The following ABCA10 variants were observed in gnomAD, a reference collection of about 807,000 sequenced individuals.
The protein encoded by ABCA10 is ATP-binding cassette sub-family A member 10.
Under a neutral mutation model 187.5 loss-of-function variants are expected in ABCA10, and 169 were observed. That is an observed-to-expected ratio of 0.90 (90% CI 0.80 to 1.02). The LOEUF (loss-of-function observed/expected upper bound fraction) is 1.02. ABCA10 is among the 50% of genes least tolerant of loss of function. The probability of loss-of-function intolerance (pLI) is 0.00; values close to 1 mark genes in which losing one functional copy is unlikely to be tolerated. For missense variants in ABCA10, 1,727 were observed against 1,812.4 expected (o/e 0.95, Z 0.86); for synonymous variants, 574 against 601.8 (o/e 0.95, Z 0.68).
rs971518112 is a variant in ABCA10 at position 69,175,337 on chromosome 17, C to T, written c.2877+69G>A. On this transcript the variant is annotated intron_variant, in intron 23 of 38. Transcript: ENST00000690296. ...AAAGTACAACTGTGTGTGTATAAAA[C>T]AATAAAATTGCAATTACTACAGTCA... 1.8e-5 allele frequency: 24 copies of T among 1,356,524 alleles called. No homozygotes were observed. In the Admixed American group the frequency reaches 4.4e-4, roughly 25 times the overall value. 84.0% of individuals were successfully genotyped at this position (1,356,524 alleles called of 1,614,324 possible). A position where few individuals can be genotyped will look rare whatever the true frequency, so the allele number is the denominator to read the frequency against.
chr17:69,171,401 C>A (rs1231601272), intron 25 of ABCA10, among the ~76,000 whole-genome samples: 3 of 152,048 alleles, frequency 2.0e-5, no homozygotes, highest in African/African-American at 7.2e-5. Flanking sequence ...GAATTTAAAA[C>A]AAGTGAATTG....
At chr17:69,243,182 T>C (rs372861032) in intron 1 of ABCA10, among the ~76,000 whole-genome samples, 12 of 152,344 alleles carry the variant, frequency 7.9e-5, no homozygotes, top group African/African-American at 2.4e-4. Flanking sequence ...CAAAGGTATA[T>C]ATGTAGACAC....
Position 69,150,471 on chromosome 17 carries a change from TA to T in ABCA10, c.4398-409del, listed in dbSNP as rs539879003. On this transcript the variant is annotated intron_variant, in intron 36 of 38. Transcript: ENST00000690296. ...TAAAATATGTTGAACTCTCTCCTGC[TA>T]AAAAAAAATTTTTTTCTTGACCTTC... is the stretch of plus-strand genomic sequence containing the variant. 107 of 154,600 alleles carry T rather than the reference TA, an allele frequency of 6.9e-4. 2 individuals are homozygous for T. Among genetic ancestry groups the T allele is most frequent in the South Asian group, 5.6e-3 (28 of 5,016 alleles). The allele number at this position is 154,600 out of a possible 1,614,324, so 9.6% of individuals were successfully genotyped here.
chr17:69,163,102 G>A (rs1309075984), intron 27 of ABCA10, among the ~76,000 whole-genome samples: 5 of 152,056 alleles, frequency 3.3e-5, no homozygotes, highest in African/African-American at 4.8e-5. Flanking sequence ...TTCCCAAAGC[G>A]CTGGGATTAC....
At chr17:69,227,105 T>C (rs976313217) in intron 2 of ABCA10, 40 bp downstream of exon 2, 1 of 97,870 alleles carries the variant, frequency 1.0e-5, no homozygotes, top group Non-Finnish European at 2.5e-5. Context: ...TTTTCATTTA[T>C]TAATTATGGA....
At chr17:69,226,904 A>C (rs947530079) in intron 2 of ABCA10, among the ~76,000 whole-genome samples, 1 of 151,822 alleles carries the variant, frequency 6.6e-6, no homozygotes, top group African/African-American at 2.4e-5. Flanking sequence ...TCTGCAAAAG[A>C]TTATTTTTCA....
intron 10 of ABCA10, among the ~76,000 whole-genome samples, chr17:69,200,640 A>G (rs527873885): frequency 1.6e-4 from 24 of 152,374 alleles, no homozygotes; most frequent in African/African-American, 5.3e-4. Flanking sequence ...TCTATTATGT[A>G]ACAGGCATAT....
At chr17:69,166,910 A>C (rs1410293757) in intron 25 of ABCA10, among the ~76,000 whole-genome samples, 1 of 152,202 alleles carries the variant, frequency 6.6e-6, no homozygotes, top group Non-Finnish European at 1.5e-5. Context: ...TTTAACGTAG[A>C]AAAGGATAGG....
intron 19 of ABCA10, among the ~76,000 whole-genome samples, chr17:69,186,224 C>G (rs1246295123): frequency 6.6e-6 from 1 of 152,110 alleles, no homozygotes; most frequent in Non-Finnish European, 1.5e-5. Context: ...GCAATGACTA[C>G]TTTCCCATCA....
Position 69,190,485 on chromosome 17 carries a change from G to A in ABCA10, c.2012-8C>T. 6.4e-7 allele frequency: 1 copy of A among 1,558,146 alleles called. No individual in the cohort carries two copies. The highest frequency in any genetic ancestry group is 2.4e-5 in the East Asian group (1 of 41,736). The stretch of plus-strand genomic sequence containing the variant: ...CAAGGTCACTGTAAAGATCTAAAAA[G>A]CCAATAGTAATAAGTCAACGCAATT... On this transcript the variant is annotated splice_polypyrimidine_tract_variant and splice_region_variant and intron_variant, in intron 17 of 38. Coordinates refer to ENST00000690296, the MANE Select transcript of ABCA10 (RefSeq NM_001377321.1).
chr17:69,219,886 T>C (rs1339639841), intron 5 of ABCA10, 115 bp from the exon 6 acceptor site: 11 of 728,200 alleles, frequency 1.5e-5, no homozygotes, highest in Non-Finnish European at 2.4e-5. Context: ...TTTTAAAGTA[T>C]GAACTATTAA....
chr17:69,174,177 A>T (rs1407294971), intron 25 of ABCA10, 104 bp downstream of exon 25: 2 of 741,102 alleles, frequency 2.7e-6, no homozygotes, highest in Admixed American at 6.9e-5. Flanking sequence ...AACAAACAAA[A>T]AACCCTCCAT....
At chr17:69,174,134 C>T (rs1008712261) in intron 25 of ABCA10, 147 bp downstream of exon 25, 4 of 506,080 alleles carry the variant, frequency 7.9e-6, no homozygotes, top group Non-Finnish European at 1.3e-5. Flanking sequence ...AACCCATAAA[C>T]ATGGTACAAC....
At chr17:69,158,569 C>A (rs1183914372) in intron 27 of ABCA10, among the ~76,000 whole-genome samples, 1 of 151,556 alleles carries the variant, frequency 6.6e-6, no homozygotes, top group Non-Finnish European at 1.5e-5. Context: ...ATAAAATAAA[C>A]CTTAAATGCA....
intron 20 of ABCA10, 101 bp from the exon 21 acceptor site, chr17:69,182,909 A>C (rs554542707): frequency 2.1e-6 from 3 of 1,419,040 alleles, no homozygotes; most frequent in African/African-American, 2.9e-5. Flanking sequence ...GTTAAGAAAA[A>C]CCCAGAATAG....
chr17:69,172,899 A>C (rs1190048039), intron 25 of ABCA10, among the ~76,000 whole-genome samples: 1 of 152,208 alleles, frequency 6.6e-6, no homozygotes, highest in African/African-American at 2.4e-5. Context: ...AAAAGTAAAC[A>C]CAAGTGGCAA....
At chr17:69,205,426 CTG>C (rs2074583998) in intron 9 of ABCA10, among the ~76,000 whole-genome samples, 1 of 152,216 alleles carries the variant, frequency 6.6e-6, no homozygotes, top group Admixed American at 6.5e-5. Flanking sequence ...GTGCCAAACA[CTG>C]TTGTGATGCA....
chr17:69,164,688 A>G (rs1053824182), intron 26 of ABCA10, among the ~76,000 whole-genome samples: 1 of 152,182 alleles, frequency 6.6e-6, no homozygotes, highest in Non-Finnish European at 1.5e-5. Flanking sequence ...GAAAAGTTTT[A>G]GTCCTGTCTC....
intron 9 of ABCA10, among the ~76,000 whole-genome samples, chr17:69,211,353 A>C (rs12946289): frequency 3.8e-5 from 1 of 26,468 alleles, no homozygotes; most frequent in African/African-American, 1.4e-4. Context: ...ATATATATAT[A>C]TATATATACA....
Sources: allele counts gnomAD v4.1 joint callset (sites outside exome capture counted in the v4.1 genomes callset), GRCh38; gene constraint gnomAD v4.1.1; transcripts MANE v1.5; gene names NCBI Gene and HGNC (gene_info 2026-07-23, HGNC 2026-07-21).